Variants in RGS6 observed in about 807,000 individuals in gnomAD.
RGS6 encodes the protein regulator of G-protein signaling 6.
In RGS6, 30 loss-of-function variants were observed where a neutral mutation model predicts 78.5. The observed-to-expected ratio is 0.38, with a 90% confidence interval of 0.29 to 0.52. The LOEUF (loss-of-function observed/expected upper bound fraction) is 0.52, where lower values mean the gene tolerates loss of function less well. Ranked by LOEUF, RGS6 falls within the 20% of genes least tolerant of loss-of-function variation. The pLI is 0.85. For missense variants in RGS6, 495 were observed against 609.7 expected, an observed-to-expected ratio of 0.81 and a Z score of 1.98; for synonymous variants, 206 against 206.0, an observed-to-expected ratio of 1.00 and a Z score of 0.00.
At chr14:72,623,885 G>T in the RGS6 span, among the ~76,000 whole-genome samples, 1 of 152,070 alleles carries the variant, frequency 6.6e-6, no homozygotes, top group Non-Finnish European at 1.5e-5. Context: ...AGTGATTCCA[G>T]GTCTGGAGCA....
chr14:71,876,021 A>G, the RGS6 span, among the ~76,000 whole-genome samples: 4 of 152,016 alleles, frequency 2.6e-5, no homozygotes, highest in African/African-American at 9.7e-5. Context: ...AATTTCTTAT[A>G]ATTTCTGTTC....
intron 2 of RGS6, among the ~76,000 whole-genome samples, chr14:72,025,407 A>G (rs892877788): frequency 2.0e-5 from 3 of 152,150 alleles, no homozygotes; most frequent in Non-Finnish European, 4.4e-5. Context: ...TTTCTTTGGG[A>G]GAAAATGACT....
At chr14:72,001,920 T>TC (rs1491474737) in intron 2 of RGS6, among the ~76,000 whole-genome samples, 5 of 112,786 alleles carry the variant, frequency 4.4e-5, no homozygotes, top group Non-Finnish European at 8.7e-5. Flanking sequence ...TTTTTTTTTT[T>TC]GAGACAGGGT....
chr14:72,468,723 C>T (rs1597957024), intron 7 of RGS6, among the ~76,000 whole-genome samples: 1 of 152,210 alleles, frequency 6.6e-6, no homozygotes, highest in East Asian at 1.9e-4. Context: ...CTATAATCTA[C>T]GTTATTGTGT....
At chr14:71,874,630 T>C in the RGS6 span, among the ~76,000 whole-genome samples, 4 of 152,172 alleles carry the variant, frequency 2.6e-5, no homozygotes, top group Admixed American at 2.6e-4. Context: ...TGAATACCCT[T>C]TATTTCTTTC....
At chr14:71,919,648 A>AG in the RGS6 span, among the ~76,000 whole-genome samples, 1 of 152,328 alleles carries the variant, frequency 6.6e-6, no homozygotes, top group Admixed American at 6.5e-5. Context: ...AGCTTCAACT[A>AG]TATCTCTAAT....
chr14:71,906,924 C>T, the RGS6 span, among the ~76,000 whole-genome samples: 5 of 152,150 alleles, frequency 3.3e-5, no homozygotes, highest in African/African-American at 1.2e-4. Context: ...GGATGGGAAA[C>T]AAGGACATTC....
rs147741919 is a variant in RGS6 at position 72,318,677 on chromosome 14, T to A, written c.85-33418T>A. On this transcript the variant is annotated intron_variant, in intron 2 of 17. Coordinates refer to ENST00000553525, the MANE Select transcript of RGS6 (RefSeq NM_001204424.2). The stretch of plus-strand genomic sequence containing the variant: ...TTTGACAAAGCAAGCAAAAAACACG[T>A]CTCCAAAACTGGTACTTCAGAGCAG... Among the ~76,000 whole-genome samples the A allele has an allele frequency of 5.9e-5, 9 of 152,132 alleles. No individual in the cohort carries two copies. The East Asian group carries it at 7.8e-4, about 13-fold the overall frequency.
At chr14:72,557,954 G>A (rs1404715879) in intron 17 of RGS6, among the ~76,000 whole-genome samples, 5 of 152,148 alleles carry the variant, frequency 3.3e-5, no homozygotes, top group Admixed American at 2.0e-4. Flanking sequence ...AAATTCCAAG[G>A]CATAGATGTC....
intron 2 of RGS6, among the ~76,000 whole-genome samples, chr14:72,062,664 A>G (rs2093951173): frequency 6.6e-6 from 1 of 152,198 alleles, no homozygotes; most frequent in South Asian, 2.1e-4. Flanking sequence ...ATTTTCTCAG[A>G]TGAGGAGAAT....
the RGS6 span, among the ~76,000 whole-genome samples, chr14:71,891,298 C>T: frequency 4.0e-3 from 616 of 152,262 alleles, 8 homozygotes; most frequent in African/African-American, 0.014. Flanking sequence ...CCCTTAGTTG[C>T]CGTCAGGTGT....
At chr14:72,001,197 A>T (rs1177335117) in intron 2 of RGS6, among the ~76,000 whole-genome samples, 1 of 152,050 alleles carries the variant, frequency 6.6e-6, no homozygotes, top group Non-Finnish European at 1.5e-5. Context: ...AATTGGGAAC[A>T]TGTATTCGTC....
rs529875198 is a variant in RGS6 at position 72,388,381 on chromosome 14, A to G, written c.184+36187A>G. ...CTGTGCTACTTATTGGTCCCATAACATATCACTTGTAACCTCTATCTATGA... is the reference window on the plus strand; with the variant it reads ...CTGTGCTACTTATTGGTCCCATAACGTATCACTTGTAACCTCTATCTATGA... On this transcript the variant is annotated intron_variant, in intron 3 of 17. Transcript: ENST00000553525. Among the ~76,000 whole-genome samples the G allele has an allele frequency of 2.3e-4, 35 of 152,348 alleles. No individual in the cohort carries two copies. In the East Asian group the frequency reaches 5.6e-3, roughly 24 times the overall value.
At chr14:72,377,504 A>G (rs1427709723) in intron 3 of RGS6, among the ~76,000 whole-genome samples, 1 of 152,236 alleles carries the variant, frequency 6.6e-6, no homozygotes, top group African/African-American at 2.4e-5. Flanking sequence ...CAGAAAATCA[A>G]CAAAGAAACA....
intron 2 of RGS6, among the ~76,000 whole-genome samples, chr14:72,228,451 A>G (rs148584913): frequency 1.3e-5 from 2 of 152,308 alleles, no homozygotes; most frequent in African/African-American, 4.8e-5. Flanking sequence ...TACGTTCATC[A>G]TCTTGTTAGT....
intron 2 of RGS6, among the ~76,000 whole-genome samples, chr14:72,260,220 T>C (rs2057894336): frequency 6.6e-6 from 1 of 152,206 alleles, no homozygotes; most frequent in South Asian, 2.1e-4. Flanking sequence ...TGTAAAGTTG[T>C]TATTTTTGTC....
intron 2 of RGS6, among the ~76,000 whole-genome samples, chr14:72,115,114 T>G (rs2095857100): frequency 6.6e-6 from 1 of 152,190 alleles, no homozygotes; most frequent in South Asian, 2.1e-4. Flanking sequence ...TATGTGGCAA[T>G]CTTGACATGG....
chr14:71,907,620 G>A, the RGS6 span, among the ~76,000 whole-genome samples: 1 of 152,072 alleles, frequency 6.6e-6, no homozygotes, highest in East Asian at 1.9e-4. Flanking sequence ...CAGTGGTGGT[G>A]GGGGGATATG....
chr14:72,055,605 C>T (rs1490415894), intron 2 of RGS6, among the ~76,000 whole-genome samples: 1 of 152,148 alleles, frequency 6.6e-6, no homozygotes. Flanking sequence ...GACCCCACCT[C>T]CAGAGACTCT....
Sources: allele counts gnomAD v4.1 joint callset (sites outside exome capture counted in the v4.1 genomes callset), GRCh38; gene constraint gnomAD v4.1.1; transcripts MANE v1.5; gene names NCBI Gene and HGNC (gene_info 2026-07-23, HGNC 2026-07-21).